ITGA9: variants seen among roughly 807,000 people sequenced by gnomAD.
ITGA9 encodes integrin subunit alpha 9, also known as integrin alpha-9.
In ITGA9, 56 loss-of-function variants were observed where a neutral mutation model predicts 127.8. The ratio of observed to expected loss-of-function variants is 0.44; its 90% CI spans 0.35 to 0.55. ITGA9 has a LOEUF of 0.55. Ranked by LOEUF, ITGA9 falls within the 20% of genes least tolerant of loss-of-function variation. The pLI, the probability that ITGA9 is intolerant of heterozygous loss-of-function variation, is 0.00. For synonymous variants in ITGA9, 508 were observed against 514.5 expected, an observed-to-expected ratio of 0.99 and a Z score of 0.17; for missense variants, 1,196 against 1,347.1, an observed-to-expected ratio of 0.89 and a Z score of 1.76.
chr3:37,579,586 G>T (rs750813460), intron 15 of ITGA9, among the ~76,000 whole-genome samples: 3 of 152,148 alleles, frequency 2.0e-5, no homozygotes, highest in Non-Finnish European at 4.4e-5. Flanking sequence ...TAGGCATATT[G>T]TAGATTGGAA....
intron 1 of ITGA9, among the ~76,000 whole-genome samples, chr3:37,456,968 A>G (rs1698266838): frequency 6.6e-6 from 1 of 152,208 alleles, no homozygotes; most frequent in African/African-American, 2.4e-5. Flanking sequence ...CATTGGACAC[A>G]ACACAGAGAG....
rs146178500 is a variant in ITGA9, at chr3:37,641,152, G to A, written c.1839+11816G>A. Among the ~76,000 whole-genome samples, 117 of 152,262 alleles carry A rather than the reference G, an allele frequency of 7.7e-4. 1 individual carries two copies. Among genetic ancestry groups the A allele is most frequent in the Admixed American group, 2.4e-3 (36 of 15,296 alleles). ...CCAACTCCTGGATCAGTACCAGTCC[G>A]GCCACACAGCATGAGGTGGGCAGCG... On this transcript the variant is annotated intron_variant, in intron 16 of 27. Transcript: ENST00000264741.
At chr3:37,631,240 T>C (rs1296370930) in intron 16 of ITGA9, among the ~76,000 whole-genome samples, 1 of 152,216 alleles carries the variant, frequency 6.6e-6, no homozygotes, top group African/African-American at 2.4e-5. Flanking sequence ...GAGGTAGTCA[T>C]CTACCCTGTC....
intron 16 of ITGA9, among the ~76,000 whole-genome samples, chr3:37,648,043 A>G (rs1251543935): frequency 6.6e-6 from 1 of 152,188 alleles, no homozygotes; most frequent in Non-Finnish European, 1.5e-5. Context: ...ATATACCCAG[A>G]AGAGGAATTG....
At chr3:37,602,287 AT>A (rs1352935219) in intron 15 of ITGA9, among the ~76,000 whole-genome samples, 6 of 152,238 alleles carry the variant, frequency 3.9e-5, no homozygotes, top group South Asian at 2.1e-4. Context: ...CAAAAAAAAA[AT>A]GTTTGTTCTT....
chr3:37,786,873 G>T (rs1697048393), intron 26 of ITGA9, among the ~76,000 whole-genome samples: 2 of 152,188 alleles, frequency 1.3e-5, no homozygotes, highest in South Asian at 4.1e-4. Context: ...TTGAGACAGG[G>T]TCTTGCTTTG....
chr3:37,459,729 G>T (rs1166398237), intron 1 of ITGA9, among the ~76,000 whole-genome samples: 1 of 152,202 alleles, frequency 6.6e-6, no homozygotes, highest in Non-Finnish European at 1.5e-5. Flanking sequence ...GCCCACCCAG[G>T]CTGACTGCCT....
At chr3:37,612,269 CATACATAGAATAAA>C (rs1253691291) in intron 15 of ITGA9, among the ~76,000 whole-genome samples, 1 of 152,102 alleles carries the variant, frequency 6.6e-6, no homozygotes, top group Non-Finnish European at 1.5e-5. Flanking sequence ...TATGCTTTTA[CATACATAGAATAAA>C]ATACATAGAA....
chr3:37,822,319 T>A lies in ITGA9; in HGVS notation c.*3330T>A, dbSNP rs1400071233. On this transcript the variant is annotated 3_prime_UTR_variant, in exon 28 of 28. Coordinates refer to ENST00000264741, the MANE Select transcript of ITGA9 (RefSeq NM_002207.3). ...ATGGAGTAAAACAGTGCCCCTTTTT[T>A]AAAAAAAGTTTTGCTTATGCTTAAT... 2 of 150,708 alleles carry A rather than the reference T, an allele frequency of 1.3e-5. No homozygotes were observed. The highest frequency in any genetic ancestry group is 2.4e-5 in the African/African-American group (1 of 41,328). 9.3% of individuals were successfully genotyped at this position (150,708 alleles called of 1,614,324 possible).
chr3:37,676,334 C>T (rs571911686), intron 17 of ITGA9, among the ~76,000 whole-genome samples: 91 of 152,276 alleles, frequency 6.0e-4, no homozygotes, highest in African/African-American at 1.8e-3. Flanking sequence ...ACATTTTAAG[C>T]GCTCAAATGC....
intron 27 of ITGA9, among the ~76,000 whole-genome samples, chr3:37,809,397 C>T (rs1697339678): frequency 6.6e-6 from 1 of 152,090 alleles, no homozygotes; most frequent in South Asian, 2.1e-4. Flanking sequence ...CTAAAAGTCA[C>T]TATTACAAAC....
chr3:37,517,533 TG>T lies in ITGA9; in HGVS notation c.1069del (p.Asp357MetfsTer50). ...GALEEQLALT[G>X]DGAYNAHFGE... ...CCCTCGAGGAGCAGCTGGCTCTGACTGGGGATGGTGCCTACAATGCGCACTT... is the reference window on the plus strand; with the variant it reads ...CCCTCGAGGAGCAGCTGGCTCTGACTGGGATGGTGCCTACAATGCGCACTT... On this transcript the variant is annotated frameshift_variant, in exon 10 of 28. Transcript: ENST00000264741. LOFTEE classifies it high-confidence loss of function. 1 of 1,598,784 alleles carries T rather than the reference TG, an allele frequency of 6.3e-7. No homozygotes were observed. Among genetic ancestry groups the T allele is most frequent in the Admixed American group, 1.7e-5 (1 of 58,214 alleles).
At chr3:37,722,108 G>A (rs1008157266) in intron 18 of ITGA9, among the ~76,000 whole-genome samples, 1 of 151,066 alleles carries the variant, frequency 6.6e-6, no homozygotes, top group Non-Finnish European at 1.5e-5. Flanking sequence ...AACTCACCAT[G>A]CCTTTCCCCA....
At chr3:37,735,943 A>G (rs966634712) in intron 19 of ITGA9, among the ~76,000 whole-genome samples, 6 of 152,198 alleles carry the variant, frequency 3.9e-5, no homozygotes, top group African/African-American at 1.4e-4. Context: ...TGTATTTCTC[A>G]CAGTTCTTAA....
chr3:37,647,097 G>T (rs560066174), intron 16 of ITGA9, among the ~76,000 whole-genome samples: 1 of 152,034 alleles, frequency 6.6e-6, no homozygotes, highest in South Asian at 2.1e-4. Context: ...CGTGACTCAG[G>T]TCTCTTGATT....
chr3:37,728,042 A>C (rs954706192), intron 18 of ITGA9, among the ~76,000 whole-genome samples: 6 of 152,244 alleles, frequency 3.9e-5, no homozygotes, highest in African/African-American at 1.4e-4. Flanking sequence ...TGTCTGCACT[A>C]GCAGTCAGGG....
chr3:37,614,722 A>G (rs1700057546), intron 15 of ITGA9, among the ~76,000 whole-genome samples: 1 of 151,680 alleles, frequency 6.6e-6, no homozygotes, highest in African/African-American at 2.4e-5. Context: ...ATTCTCTTTG[A>G]AGCAATTGTG....
chr3:37,774,349 T>G (rs185371288), intron 23 of ITGA9, among the ~76,000 whole-genome samples: 3 of 152,318 alleles, frequency 2.0e-5, no homozygotes, highest in Admixed American at 2.0e-4. Flanking sequence ...GACCTGATGT[T>G]GATTGAGATC....
chr3:37,510,041 T>TTTTG (rs1252287269), intron 8 of ITGA9, among the ~76,000 whole-genome samples: 1 of 151,226 alleles, frequency 6.6e-6, no homozygotes. Context: ...TTTTTTTTTT[T>TTTTG]GAGACAGAGT....
Sources: gnomAD v4.1 joint callset for allele counts (sites outside exome capture counted in the v4.1 genomes callset) on GRCh38, gnomAD v4.1.1 for gene constraint, MANE v1.5 for transcripts, NCBI Gene and HGNC (gene_info 2026-07-23, HGNC 2026-07-21) for gene names.